KCTD18: variants seen among roughly 807,000 people sequenced by gnomAD.
KCTD18 encodes the protein BTB/POZ domain-containing protein KCTD18.
Under a neutral mutation model 30.4 loss-of-function variants are expected in KCTD18, and 22 were observed. The observed-to-expected ratio is 0.72, with a 90% CI of 0.52 to 1.03. The LOEUF (loss-of-function observed/expected upper bound fraction) is 1.03. Ranked by LOEUF, KCTD18 falls within the 50% of genes least tolerant of loss-of-function variation. The pLI, the probability that KCTD18 is intolerant of heterozygous loss-of-function variation, is 0.00. For missense variants in KCTD18, 529 were observed against 547.6 expected (o/e 0.97, Z 0.34); for synonymous variants, 186 against 209.0 (o/e 0.89, Z 0.95).
At chr2:200,498,043 C>A (rs992703587) in intron 4 of KCTD18, among the ~76,000 whole-genome samples, 196 bp from the exon 5 acceptor site, 2 of 150,032 alleles carry the variant, frequency 1.3e-5, no homozygotes, top group East Asian at 3.9e-4. Context: ...AATATACTAA[C>A]CTATATTTTG....
chr2:200,508,101 T>G (rs910953654), intron 1 of KCTD18, among the ~76,000 whole-genome samples: 15 of 152,190 alleles, frequency 9.9e-5, no homozygotes, highest in African/African-American at 3.6e-4. Context: ...GGTTTTTGTT[T>G]GTTTGCTTGT....
intron 6 of KCTD18, 137 bp from the exon 7 acceptor site, chr2:200,490,753 C>T (rs1192363765): frequency 6.0e-6 from 5 of 827,748 alleles, no homozygotes; most frequent in African/African-American, 1.7e-5. Context: ...TGGGCACCTA[C>T]CTCATCTCTC....
At chr2:200,506,539 A>T (rs1406491169) in intron 2 of KCTD18, among the ~76,000 whole-genome samples, 1 of 152,250 alleles carries the variant, frequency 6.6e-6, no homozygotes, top group Non-Finnish European at 1.5e-5. Context: ...GAGAGAAGCA[A>T]ATATATTTAA....
rs1482395479 is a variant in KCTD18, at chr2:200,499,038, G to A, written c.419C>T (p.Pro140Leu). 1 of 1,613,864 alleles carries A rather than the reference G, an allele frequency of 6.2e-7. No individual in the cohort carries two copies. Among genetic ancestry groups the A allele is most frequent in the Non-Finnish European group, 8.5e-7 (1 of 1,179,892 alleles). Residue 140 changes from proline to leucine, a missense_variant, in exon 4 of 7, where the codon CCA becomes CTA. Transcript: ENST00000359878. ...CDSYGLVCNK[P>L]TVWVLHYLNT... ...AAGATAGTGGAGAACCCAAACTGTT[G>A]GTTTATTGCAGACTAAGCCATATGA... is the stretch of plus-strand genomic sequence containing the variant.
chr2:200,505,716 G>T (rs2030149827), intron 2 of KCTD18, among the ~76,000 whole-genome samples: 1 of 152,108 alleles, frequency 6.6e-6, no homozygotes, highest in African/African-American at 2.4e-5. Context: ...CTACAAATCT[G>T]GGGTTCCTCA....
chr2:200,490,820 G>A (rs938230205), intron 6 of KCTD18, among the ~76,000 whole-genome samples: 1 of 152,028 alleles, frequency 6.6e-6, no homozygotes, highest in African/African-American at 2.4e-5. Flanking sequence ...ATTTGAATAC[G>A]AATTATGTAA....
chr2:200,504,877 ATC>A lies in KCTD18; in HGVS notation c.241_242del (p.Asp81Ter). On this transcript the variant is annotated frameshift_variant, in exon 3 of 7. Coordinates refer to ENST00000359878, the MANE Select transcript of KCTD18 (RefSeq NM_152387.4). LOFTEE classifies it high-confidence loss of function. ...CCTGTAGGGCGATGCGGGTTTGCTCATCTGTGGGAATCTGAACTTCTCCATGA... is the reference window on the plus strand; with the variant it reads ...CCTGTAGGGCGATGCGGGTTTGCTCATGTGGGAATCTGAACTTCTCCATGA... ...YLHGEVQIPT[D>X]EQTRIALQEE... 6.2e-7 allele frequency: 1 copy of A among 1,614,152 alleles called. No homozygotes were observed. The highest frequency in any genetic ancestry group is 8.5e-7 in the Non-Finnish European group (1 of 1,179,984).
intron 6 of KCTD18, among the ~76,000 whole-genome samples, chr2:200,492,916 C>T (rs2087941822): frequency 1.0e-5 from 1 of 98,088 alleles, no homozygotes; most frequent in South Asian, 2.8e-4. Context: ...ACTGTGTCCA[C>T]TAGTAATTTT....
intron 6 of KCTD18, among the ~76,000 whole-genome samples, chr2:200,492,772 G>A (rs2087938445): frequency 6.6e-6 from 1 of 152,106 alleles, no homozygotes; most frequent in South Asian, 2.1e-4. Context: ...TGTGGCAATA[G>A]GAAACAGAAA....
At position 200,490,070 on chromosome 2, in the gene KCTD18, G is replaced by T. The variant is rs761293917; in HGVS notation, c.*30C>A. The T allele has an allele frequency of 6.5e-7, 1 of 1,532,904 alleles. No homozygotes were observed. Among genetic ancestry groups the T allele is most frequent in the Non-Finnish European group, 8.8e-7 (1 of 1,138,254 alleles). 95.0% of individuals were successfully genotyped at this position (1,532,904 alleles called of 1,614,324 possible). A position where few individuals can be genotyped will look rare whatever the true frequency, so the allele number is the denominator to read the frequency against. Reference sequence around the variant, plus strand: ...GAATGGGTTGAAAGCTTTGGGAGATGAACGGGAAATTTCAAGTCCACCACT... The same window carrying T: ...GAATGGGTTGAAAGCTTTGGGAGATTAACGGGAAATTTCAAGTCCACCACT... On this transcript the variant is annotated 3_prime_UTR_variant, in exon 7 of 7. Transcript: ENST00000359878.
At chr2:200,508,293 T>C (rs2030312769) in intron 1 of KCTD18, among the ~76,000 whole-genome samples, 1 of 152,186 alleles carries the variant, frequency 6.6e-6, no homozygotes, top group Admixed American at 6.5e-5. Context: ...TTTCACCATA[T>C]TGGGCAGTCT....
Position 200,509,897 on chromosome 2 carries a change from G to A in KCTD18, c.-345C>T, listed in dbSNP as rs1194859661. The A allele has an allele frequency of 6.6e-6, 1 of 151,990 alleles. No homozygotes were observed. Among genetic ancestry groups the A allele is most frequent in the African/African-American group, 2.4e-5 (1 of 41,412 alleles). 9.4% of individuals were successfully genotyped at this position (151,990 alleles called of 1,614,324 possible). On this transcript the variant is annotated 5_prime_UTR_variant, in exon 1 of 7. Coordinates refer to ENST00000359878, the MANE Select transcript of KCTD18 (RefSeq NM_152387.4). ...AGCCCGGGGCGCGCGCGTTACCAGC[G>A]CGGCCCGTGCCCTTCCTCAGGGCGC...
At chr2:200,509,542 C>CA (rs2030402409) in intron 1 of KCTD18, 86 bp downstream of exon 1, 1 of 152,652 alleles carries the variant, frequency 6.6e-6, no homozygotes, top group Non-Finnish European at 1.5e-5. Context: ...GCCCCATCCT[C>CA]AAAAGCACCC....
rs764777566 is a variant in KCTD18 at position 200,493,198 on chromosome 2, C to T, written c.738G>A (p.Leu246=). The T allele has an allele frequency of 1.2e-6, 2 of 1,612,612 alleles. No homozygotes were observed. The highest frequency in any genetic ancestry group is 2.2e-5 in the South Asian group (2 of 91,050). The part of the protein sequence containing the change: ...TLEERPLLGS[L]RHMAPIRKRR... Reference sequence around the variant, plus strand: ...TCTTTCGAATTGGAGCCATGTGACGCAGGCTTCCAAGTAAAGGCCGTTCTT... The same window carrying T: ...TCTTTCGAATTGGAGCCATGTGACGTAGGCTTCCAAGTAAAGGCCGTTCTT... The change falls in exon 6 of 7, where the codon CTG becomes CTA. Residue 246 remains leucine, a synonymous_variant. Coordinates refer to ENST00000359878, the MANE Select transcript of KCTD18 (RefSeq NM_152387.4).
chr2:200,500,768 T>A lies in KCTD18; in HGVS notation c.373-1684A>T, dbSNP rs568529738. ...GCTACCAATGACTTTCTTCACAGAATTGGAAAAAACTACTTTAAAGTTCAT... is the reference window on the plus strand; with the variant it reads ...GCTACCAATGACTTTCTTCACAGAAATGGAAAAAACTACTTTAAAGTTCAT... On this transcript the variant is annotated intron_variant, in intron 3 of 6. Transcript: ENST00000359878. Among the ~76,000 whole-genome samples the A allele has an allele frequency of 1.1e-3, 170 of 151,338 alleles. 1 individual carries two copies. Among genetic ancestry groups the A allele is most frequent in the African/African-American group, 4.0e-3 (164 of 41,282 alleles).
rs1481684082 is a variant in KCTD18 at position 200,490,514 on chromosome 2, G to C, written c.867C>G (p.Val289=). 1.9e-6 allele frequency: 3 copies of C among 1,607,968 alleles called. No homozygotes were observed. In the East Asian group the frequency reaches 6.7e-5, roughly 36 times the overall value. ...ACACCGTGACTGAGGCCGAGTTCTT[G>C]ACTTTAATTTGGGTACTTGTGGAAG... is the stretch of plus-strand genomic sequence containing the variant. ...LGPSTSTQIK[V]KNSASVTVSP... is the part of the protein sequence containing the mutation. The change falls in exon 7 of 7, where the codon GTC becomes GTG. Residue 289 remains valine (V), a synonymous_variant. Coordinates refer to ENST00000359878, the MANE Select transcript of KCTD18 (RefSeq NM_152387.4).
chr2:200,506,755 T>G (rs1682831364), intron 2 of KCTD18, 102 bp downstream of exon 2: 7 of 997,478 alleles, frequency 7.0e-6, no homozygotes, highest in South Asian at 2.8e-5. Flanking sequence ...CAGTAATTAG[T>G]ATAGTCATCT....
chr2:200,491,056 T>C (rs930283819), intron 6 of KCTD18, among the ~76,000 whole-genome samples: 1 of 152,196 alleles, frequency 6.6e-6, no homozygotes, highest in Non-Finnish European at 1.5e-5. Flanking sequence ...TTTGGCTGCA[T>C]GTCCCCCCCG....
chr2:200,507,481 T>C (rs934420134), intron 1 of KCTD18, among the ~76,000 whole-genome samples: 6 of 152,212 alleles, frequency 3.9e-5, no homozygotes, highest in Non-Finnish European at 8.8e-5. Context: ...ATTGAGCTGC[T>C]AGGCTCTTCC....
Sources: gnomAD v4.1 joint callset for allele counts (sites outside exome capture counted in the v4.1 genomes callset) on GRCh38, gnomAD v4.1.1 for gene constraint, MANE v1.5 for transcripts, NCBI Gene and HGNC (gene_info 2026-07-23, HGNC 2026-07-21) for gene names.